Variants in CPAMD8 observed in about 807,000 individuals in gnomAD.
CPAMD8 encodes C3 and PZP-like alpha-2-macroglobulin domain-containing protein 8.
Under a neutral mutation model 224.7 loss-of-function variants are expected in CPAMD8, and 146 were observed. That is an observed-to-expected ratio of 0.65 (90% CI 0.57 to 0.75). The LOEUF is 0.75. Ranked by LOEUF, CPAMD8 falls within the 30% of genes least tolerant of loss-of-function variation. CPAMD8 has a pLI of 0.00. For synonymous variants in CPAMD8, 966 were observed against 1,044.6 expected (o/e 0.92, Z 1.45); for missense variants, 2,301 against 2,537.5 (o/e 0.91, Z 2.00).
intron 13 of CPAMD8, among the ~76,000 whole-genome samples, chr19:16,981,656 G>A (rs1336803692): frequency 6.6e-6 from 1 of 152,140 alleles, no homozygotes; most frequent in East Asian, 1.9e-4. Flanking sequence ...TCTCCCTAGG[G>A]GGTTGGCGTG....
Position 16,898,010 on chromosome 19 carries a change from G to A in CPAMD8, c.4849-16C>T, listed in dbSNP as rs758806612. 6.3e-7 allele frequency: 1 copy of A among 1,595,644 alleles called. No homozygotes were observed. The highest frequency in any genetic ancestry group is 1.1e-5 in the South Asian group (1 of 89,148). ...GGCTGGGGATCTGTGGGGCAGCGGC[G>A]GGCGCAGGCTCGACCCGGGCCAGGA... On this transcript the variant is annotated splice_polypyrimidine_tract_variant and intron_variant, in intron 37 of 41. Transcript: ENST00000443236. This position sits in a 1 kb window ranked among gnomAD's most constrained non-coding sequence, Gnocchi z 4.2.
intron 17 of CPAMD8, among the ~76,000 whole-genome samples, chr19:16,971,761 T>A (rs1221253051): frequency 6.6e-6 from 1 of 152,062 alleles, no homozygotes; most frequent in Non-Finnish European, 1.5e-5. Flanking sequence ...ATTAGAAAAA[T>A]CATGGCCAGG....
intron 23 of CPAMD8, among the ~76,000 whole-genome samples, chr19:16,932,415 T>C (rs572593077): frequency 1.4e-4 from 21 of 152,212 alleles, no homozygotes; most frequent in Admixed American, 5.9e-4. Context: ...AGTGAGATCC[T>C]GTCTCAAGAA....
intron 22 of CPAMD8, among the ~76,000 whole-genome samples, chr19:16,941,733 G>A (rs2053897542): frequency 6.6e-6 from 1 of 152,296 alleles, no homozygotes; most frequent in Non-Finnish European, 1.5e-5. Context: ...CCAGCACTTT[G>A]GGAGGCCGAG....
intron 30 of CPAMD8, among the ~76,000 whole-genome samples, chr19:16,906,340 TTCTTTCTTTC>T (rs1180240080): frequency 1.1e-4 from 3 of 28,330 alleles, no homozygotes; most frequent in Middle Eastern, 0.015. Context: ...TTCTTTCCCT[TTCTTTCTTTC>T]TTTCTTTCTT....
At chr19:16,999,462 A>G (rs528380706) in intron 10 of CPAMD8, among the ~76,000 whole-genome samples, 82 of 151,942 alleles carry the variant, frequency 5.4e-4, no homozygotes, top group African/African-American at 1.9e-3. Context: ...GTGGGCACCT[A>G]TAGTCCCAGC....
At chr19:16,911,349 C>T (rs1347931361) in intron 29 of CPAMD8, among the ~76,000 whole-genome samples, 5 of 151,602 alleles carry the variant, frequency 3.3e-5, no homozygotes, top group African/African-American at 1.2e-4. Context: ...TGCTGGCAGA[C>T]TCCTTTTTTT....
intron 13 of CPAMD8, among the ~76,000 whole-genome samples, chr19:16,982,401 A>T (rs1410729517): frequency 6.6e-6 from 1 of 152,034 alleles, no homozygotes; most frequent in Non-Finnish European, 1.5e-5. Context: ...CAATCAATCA[A>T]TCAATATTTT....
At chr19:16,987,956 G>A (rs535066133) in intron 13 of CPAMD8, among the ~76,000 whole-genome samples, 5 of 152,216 alleles carry the variant, frequency 3.3e-5, no homozygotes, top group South Asian at 4.1e-4. Flanking sequence ...GAGCCACCAC[G>A]CCCGGTCGGG....
chr19:16,934,194 C>T (rs532454429), intron 23 of CPAMD8, among the ~76,000 whole-genome samples: 1 of 152,220 alleles, frequency 6.6e-6, no homozygotes, highest in African/African-American at 2.4e-5. Context: ...TGAGAGATTA[C>T]AAACGGGCAT....
chr19:16,982,013 T>C (rs2055532824), intron 13 of CPAMD8, among the ~76,000 whole-genome samples: 1 of 152,212 alleles, frequency 6.6e-6, no homozygotes, highest in African/African-American at 2.4e-5. Flanking sequence ...CCCAGTATTT[T>C]GTTAGGCTGA....
intron 27 of CPAMD8, among the ~76,000 whole-genome samples, chr19:16,916,836 C>T (rs1054057314): frequency 5.9e-5 from 9 of 152,206 alleles, no homozygotes; most frequent in Non-Finnish European, 1.2e-4. Context: ...CAAATGCATC[C>T]TCTTCTTTCT....
chr19:17,025,764 G>A (rs751859391), intron 1 of CPAMD8, among the ~76,000 whole-genome samples: 5 of 152,192 alleles, frequency 3.3e-5, no homozygotes, highest in Non-Finnish European at 5.9e-5. Context: ...ATTTCACGAA[G>A]CCTAGGAGAG....
intron 14 of CPAMD8, among the ~76,000 whole-genome samples, chr19:16,978,863 C>A (rs2055378576): frequency 6.6e-6 from 1 of 151,758 alleles, no homozygotes; most frequent in Admixed American, 6.6e-5. Context: ...CTCTATTCAT[C>A]AACCATCCAT....
intron 17 of CPAMD8, among the ~76,000 whole-genome samples, chr19:16,972,192 C>T (rs1416728872): frequency 6.6e-6 from 1 of 152,090 alleles, no homozygotes; most frequent in African/African-American, 2.4e-5. Context: ...TAGAGACGGC[C>T]TCCATCTGTG....
chr19:16,920,279 A>T (rs1303804928), intron 27 of CPAMD8, among the ~76,000 whole-genome samples: 1 of 151,498 alleles, frequency 6.6e-6, no homozygotes, highest in Non-Finnish European at 1.5e-5. Context: ...GAAGATCGAG[A>T]CCATCCTGGC....
chr19:17,026,561 G>A lies in CPAMD8; in HGVS notation c.82C>T (p.Pro28Ser). The change falls in exon 1 of 42, where the codon CCT (proline) becomes TCT (serine). Residue 28 changes from proline (P) to serine (S), a missense_variant. Physicochemically the swap from Pro to Ser is moderately conservative, Grantham distance 74. Transcript: ENST00000443236. ...SARDGVRAAQ[P>S]QAPGYLIAAP... ...CCGGAGGATACTCACGGGGCCTGAGGCTGCGCGGCGCGCACGCCGTCCCGC... is the reference window on the plus strand; with the variant it reads ...CCGGAGGATACTCACGGGGCCTGAGACTGCGCGGCGCGCACGCCGTCCCGC... The A allele has an allele frequency of 1.3e-6, 2 of 1,525,216 alleles. No homozygotes were observed. Among genetic ancestry groups the A allele is most frequent in the South Asian group, 1.2e-5 (1 of 84,038 alleles). The allele number at this position is 1,525,216 out of a possible 1,614,324, so 94.5% of individuals were successfully genotyped here.
intron 27 of CPAMD8, among the ~76,000 whole-genome samples, chr19:16,917,970 C>T (rs1010366855): frequency 5.9e-5 from 9 of 152,044 alleles, no homozygotes; most frequent in Non-Finnish European, 1.2e-4. Context: ...TGCATATAAC[C>T]GACACATATC....
intron 23 of CPAMD8, among the ~76,000 whole-genome samples, chr19:16,935,417 C>A (rs2053655289): frequency 6.6e-6 from 1 of 152,102 alleles, no homozygotes; most frequent in African/African-American, 2.4e-5. Context: ...CCCCTACTTC[C>A]TTCTCCCTCT....
Sources: gnomAD v4.1 joint callset for allele counts (sites outside exome capture counted in the v4.1 genomes callset) on GRCh38, gnomAD v4.1.1 for gene constraint, Gnocchi (gnomAD v3.1) non-coding constraint, MANE v1.5 for transcripts, NCBI Gene and HGNC (gene_info 2026-07-23, HGNC 2026-07-21) for gene names.